EXOC4: variants seen among roughly 807,000 people sequenced by gnomAD.
The protein encoded by EXOC4 is SEC8-like 1.
Under a neutral mutation model 107.2 loss-of-function variants are expected in EXOC4, and 71 were observed. That is an observed-to-expected ratio of 0.66 (90% CI 0.55 to 0.81). The LOEUF is 0.81. Among genes scored for constraint, EXOC4 ranks in the 30% least tolerant of loss-of-function variants. The pLI, the probability that EXOC4 is intolerant of heterozygous loss-of-function variation, is 0.00. For missense variants in EXOC4, 1,108 were observed against 1,189.6 expected (o/e 0.93, Z 1.01); for synonymous variants, 456 against 441.2 (o/e 1.03, Z -0.42).
At chr7:133,289,688 G>C (rs1001088424) in intron 3 of EXOC4, among the ~76,000 whole-genome samples, 6 of 152,142 alleles carry the variant, frequency 3.9e-5, no homozygotes, top group African/African-American at 1.2e-4. Flanking sequence ...TGCAATTGGT[G>C]GTTCATGTGG....
At chr7:133,585,748 C>T (rs1801388439) in intron 9 of EXOC4, among the ~76,000 whole-genome samples, 1 of 152,114 alleles carries the variant, frequency 6.6e-6, no homozygotes, top group Non-Finnish European at 1.5e-5. Context: ...GGCTGGAGTG[C>T]AGTGGTGCGA....
At chr7:133,467,665 A>G (rs1798764952) in intron 7 of EXOC4, among the ~76,000 whole-genome samples, 1 of 147,324 alleles carries the variant, frequency 6.8e-6, no homozygotes, top group Non-Finnish European at 1.5e-5. Context: ...GGTCATTTTA[A>G]TGTCGCCTGA....
intron 7 of EXOC4, among the ~76,000 whole-genome samples, chr7:133,472,214 A>C (rs182893891): frequency 2.0e-5 from 3 of 152,208 alleles, no homozygotes; most frequent in African/African-American, 4.8e-5. Flanking sequence ...GTGTTTTAGG[A>C]CTGTCAGTCT....
At chr7:133,979,664 T>A (rs992749875) in intron 14 of EXOC4, among the ~76,000 whole-genome samples, 4 of 151,916 alleles carry the variant, frequency 2.6e-5, no homozygotes, top group African/African-American at 9.7e-5. Context: ...GGCGGGCGCC[T>A]GTAGTCCCAG....
intron 17 of EXOC4, among the ~76,000 whole-genome samples, chr7:134,041,798 T>G (rs1795525631): frequency 6.6e-6 from 1 of 152,228 alleles, no homozygotes; most frequent in African/African-American, 2.4e-5. Flanking sequence ...GCAGTGTTTC[T>G]GAAAAATTAT....
chr7:133,495,599 T>G (rs1799458840), intron 9 of EXOC4, among the ~76,000 whole-genome samples: 1 of 152,224 alleles, frequency 6.6e-6, no homozygotes, highest in Non-Finnish European at 1.5e-5. Context: ...ATACTCTGTT[T>G]TGTGTTTCTG....
chr7:134,058,775 A>G (rs1255868362), intron 17 of EXOC4, among the ~76,000 whole-genome samples: 1 of 152,194 alleles, frequency 6.6e-6, no homozygotes, highest in African/African-American at 2.4e-5. Context: ...TGCTTTTTAT[A>G]GTTTCAAATA....
intron 17 of EXOC4, among the ~76,000 whole-genome samples, chr7:134,048,997 G>A (rs1008407334): frequency 1.2e-4 from 19 of 152,090 alleles, no homozygotes; most frequent in Admixed American, 2.6e-4. Context: ...TTCTAAAATC[G>A]TCTGTTTCCA....
chr7:133,895,295 G>A (rs1339019787), intron 11 of EXOC4: 8 of 208,164 alleles, frequency 3.8e-5, no homozygotes, highest in East Asian at 2.8e-4. Context: ...GCTCGCGCAC[G>A]GTGCGCGCAC....
At chr7:134,029,004 G>A (rs1795208121) in intron 17 of EXOC4, among the ~76,000 whole-genome samples, 1 of 152,232 alleles carries the variant, frequency 6.6e-6, no homozygotes, top group South Asian at 2.1e-4. Context: ...GAGGAGTCAG[G>A]AGGAACCAGC....
At chr7:133,775,180 A>G (rs1238838683) in intron 10 of EXOC4, among the ~76,000 whole-genome samples, 2 of 152,174 alleles carry the variant, frequency 1.3e-5, no homozygotes, top group Non-Finnish European at 2.9e-5. Context: ...TAAACTCTTT[A>G]CTAGGTTGTG....
At chr7:133,495,687 TTTA>T (rs1420302373) in intron 9 of EXOC4, among the ~76,000 whole-genome samples, 7 of 152,214 alleles carry the variant, frequency 4.6e-5, no homozygotes, top group Non-Finnish European at 8.8e-5. Context: ...TGCATAGTAT[TTTA>T]TTCTATGACT....
intron 17 of EXOC4, among the ~76,000 whole-genome samples, chr7:134,017,680 G>C (rs1794941529): frequency 6.6e-6 from 1 of 152,040 alleles, no homozygotes; most frequent in African/African-American, 2.4e-5. Context: ...TTGAATGCGG[G>C]TGAGCATGCC....
intron 11 of EXOC4, among the ~76,000 whole-genome samples, chr7:133,876,990 C>T (rs2116424735): frequency 6.6e-6 from 1 of 152,172 alleles, no homozygotes; most frequent in Middle Eastern, 3.4e-3. Flanking sequence ...AAATTTCCAG[C>T]CACTATATCT....
At chr7:134,048,922 G>A (rs1049822342) in intron 17 of EXOC4, among the ~76,000 whole-genome samples, 1 of 151,224 alleles carries the variant, frequency 6.6e-6, no homozygotes, top group Admixed American at 6.6e-5. Context: ...CTTACCCTCA[G>A]GTCCATCCTC....
At chr7:134,001,320 T>C (rs1794525927) in intron 15 of EXOC4, among the ~76,000 whole-genome samples, 1 of 152,138 alleles carries the variant, frequency 6.6e-6, no homozygotes, top group Non-Finnish European at 1.5e-5. Context: ...GTGTGCACTC[T>C]CTGAAAATCA....
chr7:133,593,121 A>C (rs1247535023), intron 9 of EXOC4, among the ~76,000 whole-genome samples: 1 of 152,186 alleles, frequency 6.6e-6, no homozygotes, highest in Non-Finnish European at 1.5e-5. Flanking sequence ...ATTTCTTGTC[A>C]TTCTTGATTT....
chr7:133,917,471 T>C, intron 12 of EXOC4, 112 bp from the exon 13 acceptor site: 1 of 1,040,878 alleles, frequency 9.6e-7, no homozygotes, highest in Non-Finnish European at 1.4e-6. Context: ...TGGATTATGT[T>C]CAAAGGAGAG....
At chr7:133,417,788 A>G (rs1443657297) in intron 7 of EXOC4, among the ~76,000 whole-genome samples, 1 of 152,170 alleles carries the variant, frequency 6.6e-6, no homozygotes, top group Non-Finnish European at 1.5e-5. Flanking sequence ...CATTTGAAAC[A>G]AGTCATTATA....
Sources: gnomAD v4.1 joint callset for allele counts (sites outside exome capture counted in the v4.1 genomes callset) on GRCh38, gnomAD v4.1.1 for gene constraint, MANE v1.5 for transcripts, NCBI Gene and HGNC (gene_info 2026-07-23, HGNC 2026-07-21) for gene names.